Variants in AKAP12 observed in about 807,000 individuals in gnomAD.
The protein encoded by AKAP12 is A-kinase anchoring protein 12.
Under a neutral mutation model 79.9 loss-of-function variants are expected in AKAP12, and 32 were observed. The ratio of observed to expected loss-of-function variants is 0.40; its 90% confidence interval spans 0.30 to 0.54. The LOEUF (loss-of-function observed/expected upper bound fraction) is 0.54. Among genes scored for constraint, AKAP12 ranks in the 20% least tolerant of loss-of-function variants. AKAP12 has a pLI of 0.48. For missense variants in AKAP12, 2,074 were observed against 2,177.0 expected, an observed-to-expected ratio of 0.95 and a Z score of 0.94; for synonymous variants, 808 against 857.0, an observed-to-expected ratio of 0.94 and a Z score of 1.00.
intron 3 of AKAP12, among the ~76,000 whole-genome samples, chr6:151,318,980 A>T (rs1350561209): frequency 6.6e-6 from 1 of 152,034 alleles, no homozygotes; most frequent in Non-Finnish European, 1.5e-5. Context: ...TTTCTGGGAA[A>T]TTTTTTTACA....
intron 2 of AKAP12, among the ~76,000 whole-genome samples, chr6:151,281,404 CTG>C (rs1343753761): frequency 6.6e-6 from 1 of 152,142 alleles, no homozygotes; most frequent in Non-Finnish European, 1.5e-5. Context: ...GAAGAGATAA[CTG>C]TAATTCTGTA....
intron 3 of AKAP12, chr6:151,325,721 T>C: frequency 1.3e-6 from 2 of 1,508,328 alleles, no homozygotes; most frequent in East Asian, 4.9e-5. Context: ...TTCTCCCCCA[T>C]CCTCCGGGAG....
intron 2 of AKAP12, among the ~76,000 whole-genome samples, chr6:151,290,037 G>C (rs9479005): frequency 0.044 from 6,713 of 152,274 alleles, 474 homozygotes; most frequent in African/African-American, 0.15. Context: ...ATGGGACGAG[G>C]CATCTGAACA....
intron 3 of AKAP12, among the ~76,000 whole-genome samples, chr6:151,345,473 T>C (rs1333260240): frequency 6.6e-6 from 1 of 152,030 alleles, no homozygotes; most frequent in Non-Finnish European, 1.5e-5. Flanking sequence ...TTGACCTGTT[T>C]AGTACAAAAA....
chr6:151,305,068 T>A (rs1437069368), intron 2 of AKAP12, among the ~76,000 whole-genome samples: 2 of 152,214 alleles, frequency 1.3e-5, no homozygotes, highest in South Asian at 2.1e-4. Flanking sequence ...TGCACCCCGT[T>A]TATCCTTTTC....
At chr6:151,325,981 GC>G in intron 3 of AKAP12, 1 of 1,569,246 alleles carries the variant, frequency 6.4e-7, no homozygotes, top group Non-Finnish European at 8.7e-7. Flanking sequence ...TTGGTGGGGA[GC>G]CCGGGAGGTC....
At chr6:151,297,191 G>T (rs1776751878) in intron 2 of AKAP12, among the ~76,000 whole-genome samples, 1 of 150,252 alleles carries the variant, frequency 6.7e-6, no homozygotes, top group South Asian at 2.1e-4. Context: ...CACAACTCTG[G>T]GTGTATGTGT....
At chr6:151,322,739 C>T (rs1218174824) in intron 3 of AKAP12, among the ~76,000 whole-genome samples, 1 of 148,368 alleles carries the variant, frequency 6.7e-6, no homozygotes, top group Non-Finnish European at 1.5e-5. Flanking sequence ...GGCGTGTCCA[C>T]CACCCACTCC....
At chr6:151,288,752 C>G (rs1236521635) in intron 2 of AKAP12, among the ~76,000 whole-genome samples, 1 of 152,162 alleles carries the variant, frequency 6.6e-6, no homozygotes, top group African/African-American at 2.4e-5. Flanking sequence ...GTGAATTTCT[C>G]CCAAATTACT....
chr6:151,350,503 A>C lies in AKAP12; in HGVS notation c.2112A>C (p.Pro704=). The change falls in exon 4 of 5, where the codon CCA becomes CCC. Residue 704 remains proline (P), a synonymous_variant. Coordinates refer to ENST00000402676, the MANE Select transcript of AKAP12 (RefSeq NM_005100.4). This position sits in a 1 kb window ranked among gnomAD's most constrained non-coding sequence, Gnocchi z 4.8. The part of the protein sequence containing the change: ...RGSSSDEEGG[P]KAMGGDHQKA... ...CCTCTTCTGATGAGGAAGGGGGACCAAAAGCAATGGGAGGAGACCACCAGA... is the reference window on the plus strand; with the variant it reads ...CCTCTTCTGATGAGGAAGGGGGACCCAAAGCAATGGGAGGAGACCACCAGA... 1 of 1,614,124 alleles carries C rather than the reference A, an allele frequency of 6.2e-7. No homozygotes were observed. The highest frequency in any genetic ancestry group is 8.5e-7 in the Non-Finnish European group (1 of 1,180,018).
intron 2 of AKAP12, among the ~76,000 whole-genome samples, chr6:151,254,514 G>T (rs1242828899): frequency 6.6e-6 from 1 of 152,018 alleles, no homozygotes; most frequent in African/African-American, 2.4e-5. Flanking sequence ...ACCACACTCG[G>T]CTAATTTTGT....
At chr6:151,299,844 G>C (rs557833055) in intron 2 of AKAP12, among the ~76,000 whole-genome samples, 6 of 151,772 alleles carry the variant, frequency 4.0e-5, no homozygotes, top group Non-Finnish European at 8.8e-5. Context: ...GCCCAGGCTG[G>C]TCTCAAACTC....
rs1776933984 is a variant in AKAP12 at position 151,304,516 on chromosome 6, AAAAG to A, written c.163-1230_163-1227del. Among the ~76,000 whole-genome samples, 7 of 141,808 alleles carry A rather than the reference AAAAG, an allele frequency of 4.9e-5. 1 individual carries two copies. In the South Asian group the frequency reaches 1.3e-3, roughly 27 times the overall value. The allele number at this position is 141,808 out of a possible 152,430, so 93.0% of individuals were successfully genotyped here. On this transcript the variant is annotated intron_variant, in intron 2 of 4. Transcript: ENST00000402676. ...AAAAAAAAAAAAAAAAAAAAAAAAAAAAAGGATTATATGACCAAGGGCATGCCTA... is the reference window on the plus strand; with the variant it reads ...AAAAAAAAAAAAAAAAAAAAAAAAAAGATTATATGACCAAGGGCATGCCTA...
At chr6:151,339,306 G>A (rs1252393618) in intron 3 of AKAP12, among the ~76,000 whole-genome samples, 1 of 152,192 alleles carries the variant, frequency 6.6e-6, no homozygotes, top group African/African-American at 2.4e-5. Context: ...GACAAACTGT[G>A]TATTTTGCTC....
chr6:151,287,792 T>C (rs574568557), intron 2 of AKAP12, among the ~76,000 whole-genome samples: 12 of 152,268 alleles, frequency 7.9e-5, no homozygotes, highest in Non-Finnish European at 1.8e-4. Context: ...CTGTTCACAA[T>C]AGCAAAGACT....
rs200466721 is a variant in AKAP12, at chr6:151,288,209, AT to A, written c.163-17535del. Among the ~76,000 whole-genome samples, 346 of 127,832 alleles carry A rather than the reference AT, an allele frequency of 2.7e-3. 1 individual carries two copies. Among genetic ancestry groups the A allele is most frequent in the Non-Finnish European group, 3.7e-3 (210 of 56,158 alleles). 83.9% of individuals were successfully genotyped at this position (127,832 alleles called of 152,430 possible). ...GGACATGTATCCCAGAACTTAAAGTATTTAAAAAAAAAAAAAGAATTATGGC... is the reference window on the plus strand; with the variant it reads ...GGACATGTATCCCAGAACTTAAAGTATTAAAAAAAAAAAAAGAATTATGGC... On this transcript the variant is annotated intron_variant, in intron 2 of 4. Transcript: ENST00000402676.
At chr6:151,323,111 CAG>C in intron 3 of AKAP12, among the ~76,000 whole-genome samples, 1 of 152,320 alleles carries the variant, frequency 6.6e-6, no homozygotes, top group South Asian at 2.1e-4. Flanking sequence ...TGCAGACACA[CAG>C]AGGCTCGCTG....
At chr6:151,281,402 A>G (rs1440336679) in intron 2 of AKAP12, among the ~76,000 whole-genome samples, 9 of 152,208 alleles carry the variant, frequency 5.9e-5, no homozygotes, top group Admixed American at 5.2e-4. Flanking sequence ...GGGAAGAGAT[A>G]ACTGTAATTC....
At chr6:151,255,932 T>G (rs759630645) in intron 2 of AKAP12, among the ~76,000 whole-genome samples, 10 of 151,816 alleles carry the variant, frequency 6.6e-5, no homozygotes, top group Admixed American at 4.6e-4. Flanking sequence ...TGTTCAGCAC[T>G]GCAGGGGACC....
Sources: gnomAD v4.1 joint callset for allele counts (sites outside exome capture counted in the v4.1 genomes callset) on GRCh38, gnomAD v4.1.1 for gene constraint, Gnocchi (gnomAD v3.1) non-coding constraint, MANE v1.5 for transcripts, NCBI Gene and HGNC (gene_info 2026-07-23, HGNC 2026-07-21) for gene names.